The following RYR3 variants were observed in gnomAD, a reference collection of about 807,000 sequenced individuals.
The protein encoded by RYR3 is ryanodine receptor 3.
Under a neutral mutation model 584.3 loss-of-function variants are expected in RYR3, and 207 were observed. The observed-to-expected ratio is 0.35, with a 90% CI of 0.32 to 0.40. The LOEUF is 0.40. Ranked by LOEUF, RYR3 falls within the 10% of genes least tolerant of loss-of-function variation. RYR3 has a pLI of 1.00. For missense variants in RYR3, 5,616 were observed against 6,089.2 expected (o/e 0.92, Z 2.59); for synonymous variants, 2,416 against 2,248.5 (o/e 1.07, Z -2.11).
chr15:33,405,169 T>C (rs2042940257), intron 1 of RYR3, among the ~76,000 whole-genome samples: 1 of 152,230 alleles, frequency 6.6e-6, no homozygotes, highest in African/African-American at 2.4e-5. Context: ...TTTGGTTTTC[T>C]TGCAGGAGTA....
intron 1 of RYR3, among the ~76,000 whole-genome samples, chr15:33,392,139 C>A (rs1323517856): frequency 6.6e-6 from 1 of 150,876 alleles, no homozygotes; most frequent in Non-Finnish European, 1.5e-5. Context: ...GGTTAGTGTC[C>A]ATCTTCTTAA....
chr15:33,820,593 T>G, intron 77 of RYR3, 163 bp from the exon 78 acceptor site: 1 of 586,738 alleles, frequency 1.7e-6, no homozygotes, highest in South Asian at 2.4e-5. Flanking sequence ...ACAGGAGAAA[T>G]GTTGCCCAGC....
chr15:33,611,386 C>G (rs1291620389), intron 18 of RYR3, among the ~76,000 whole-genome samples: 1 of 151,866 alleles, frequency 6.6e-6, no homozygotes, highest in African/African-American at 2.4e-5. Context: ...GAAACCCCAT[C>G]TCTACTAAAA....
rs1010357425 is a variant in RYR3 at position 33,770,085 on chromosome 15, A to G, written c.8816+913A>G. Reference sequence around the variant, plus strand: ...TATAGTCGAAGCTACTCAGGAGTTCAAGACCAGCCTGAATAATGTAGAGAG... The same window carrying G: ...TATAGTCGAAGCTACTCAGGAGTTCGAGACCAGCCTGAATAATGTAGAGAG... On this transcript the variant is annotated intron_variant, in intron 62 of 103. Transcript: ENST00000634891. 1.1e-4 allele frequency among the ~76,000 whole-genome samples: 16 copies of G among 151,962 alleles called. 1 individual carries two copies. The highest frequency in any genetic ancestry group is 6.6e-4 in the Admixed American group (10 of 15,250).
chr15:33,678,722 GC>G (rs1170228036), intron 38 of RYR3, among the ~76,000 whole-genome samples: 1 of 152,212 alleles, frequency 6.6e-6, no homozygotes, highest in Non-Finnish European at 1.5e-5. Flanking sequence ...GGAGCCTGGG[GC>G]CAGCCCTATA....
intron 3 of RYR3, among the ~76,000 whole-genome samples, chr15:33,521,711 A>T (rs918476952): frequency 6.6e-6 from 1 of 152,158 alleles, no homozygotes; most frequent in Non-Finnish European, 1.5e-5. Context: ...CCTGGAGTCA[A>T]GGTCACTCTA....
chr15:33,376,020 C>T (rs1185466014), intron 1 of RYR3, among the ~76,000 whole-genome samples: 1 of 152,144 alleles, frequency 6.6e-6, no homozygotes, highest in Non-Finnish European at 1.5e-5. Context: ...GCCGAGATCG[C>T]GCCACTGCAC....
At chr15:33,731,733 TC>T in intron 48 of RYR3, 39 bp downstream of exon 48, 1 of 1,368,028 alleles carries the variant, frequency 7.3e-7, no homozygotes, top group Non-Finnish European at 1.0e-6. Flanking sequence ...TGTGTATGCA[TC>T]CAGGTCAACT....
chr15:33,644,564 A>G, intron 28 of RYR3, 45 bp downstream of exon 28: 1 of 1,478,326 alleles, frequency 6.8e-7, no homozygotes, highest in East Asian at 2.3e-5. Context: ...CAGGTGGGCC[A>G]AGGCCCTAAG....
intron 60 of RYR3, among the ~76,000 whole-genome samples, chr15:33,762,221 C>T (rs910366298): frequency 6.6e-6 from 1 of 152,204 alleles, no homozygotes; most frequent in African/African-American, 2.4e-5. Flanking sequence ...TCTCTCACCA[C>T]TCCTATTCAA....
chr15:33,864,400 C>T (rs1889696625), intron 103 of RYR3, among the ~76,000 whole-genome samples: 1 of 151,288 alleles, frequency 6.6e-6, no homozygotes, highest in South Asian at 2.1e-4. Context: ...CTTATAGCTA[C>T]TGCTTCAGAC....
chr15:33,438,189 T>A (rs1225745913), intron 1 of RYR3, among the ~76,000 whole-genome samples: 1 of 152,128 alleles, frequency 6.6e-6, no homozygotes, highest in African/African-American at 2.4e-5. Context: ...CTTGGCAATT[T>A]TGAAGTAAAT....
chr15:33,415,589 G>A (rs371393999), intron 1 of RYR3, among the ~76,000 whole-genome samples: 7 of 151,714 alleles, frequency 4.6e-5, no homozygotes, highest in Non-Finnish European at 7.4e-5. Context: ...GAGAAAGACC[G>A]TGAGACCACT....
intron 36 of RYR3, among the ~76,000 whole-genome samples, chr15:33,665,624 C>G (rs982497565): frequency 6.6e-6 from 1 of 152,208 alleles, no homozygotes; most frequent in African/African-American, 2.4e-5. Flanking sequence ...TCACACACTT[C>G]CTTTCCCCAT....
intron 43 of RYR3, among the ~76,000 whole-genome samples, chr15:33,717,093 A>G (rs979144342): frequency 6.6e-6 from 1 of 152,204 alleles, no homozygotes; most frequent in African/African-American, 2.4e-5. Context: ...GCAAAATCTT[A>G]GCACAATTCT....
rs2075887693 is a variant in RYR3 at position 33,800,971 on chromosome 15, C to T, written c.9918+114C>T. On this transcript the variant is annotated intron_variant, in intron 68 of 103. Transcript: ENST00000634891. ...ATATTCGAAGAAATGTATTCTGAGCCACATGTGAGGACCACGACCCATGAC... is the reference window on the plus strand; with the variant it reads ...ATATTCGAAGAAATGTATTCTGAGCTACATGTGAGGACCACGACCCATGAC... The T allele has an allele frequency of 3.8e-6, 3 of 788,440 alleles. No homozygotes were observed. In the Admixed American group the frequency reaches 6.2e-5, roughly 16 times the overall value. The allele number at this position is 788,440 out of a possible 1,614,324, so 48.8% of individuals were successfully genotyped here.
intron 27 of RYR3, among the ~76,000 whole-genome samples, chr15:33,641,032 G>A (rs570735025): frequency 2.4e-4 from 37 of 152,204 alleles, no homozygotes; most frequent in Non-Finnish European, 3.8e-4. Flanking sequence ...GTGGTGAGCT[G>A]TGTACAGGTA....
intron 85 of RYR3, among the ~76,000 whole-genome samples, chr15:33,827,887 G>A (rs1230295169): frequency 2.6e-5 from 4 of 152,282 alleles, no homozygotes; most frequent in South Asian, 2.1e-4. Flanking sequence ...GCCATAGGGT[G>A]GTAGTAAAGA....
intron 1 of RYR3, among the ~76,000 whole-genome samples, chr15:33,378,299 A>G (rs541093220): frequency 1.3e-5 from 2 of 152,282 alleles, no homozygotes; most frequent in Admixed American, 6.5e-5. Flanking sequence ...AGACCAGAAC[A>G]TCCAAACTGA....
Sources: gnomAD v4.1 joint callset for allele counts (sites outside exome capture counted in the v4.1 genomes callset) on GRCh38, gnomAD v4.1.1 for gene constraint, MANE v1.5 for transcripts, NCBI Gene and HGNC (gene_info 2026-07-23, HGNC 2026-07-21) for gene names.